The following ABCB5 variants were observed in gnomAD, a reference collection of about 807,000 sequenced individuals.
ABCB5 encodes the protein ATP binding cassette subfamily B member 5, also known as ATP-binding cassette sub-family B member 5.
In ABCB5, 155 loss-of-function variants were observed where a neutral mutation model predicts 144.2. That is an observed-to-expected ratio of 1.08 (90% CI 0.94 to 1.23). ABCB5 has a LOEUF of 1.23. Ranked by LOEUF, ABCB5 falls within the 50% of genes most tolerant of loss-of-function variation. The probability of loss-of-function intolerance (pLI) is 0.00; values close to 1 mark genes in which losing one functional copy is unlikely to be tolerated. For missense variants in ABCB5, 1,830 were observed against 1,520.8 expected, an observed-to-expected ratio of 1.20 and a Z score of -3.38; for synonymous variants, 610 against 528.6, an observed-to-expected ratio of 1.15 and a Z score of -2.11.
At chr7:20,732,221 T>C (rs956894134) in intron 23 of ABCB5, among the ~76,000 whole-genome samples, 2 of 152,142 alleles carry the variant, frequency 1.3e-5, no homozygotes, top group Admixed American at 1.3e-4. Flanking sequence ...CCCCAGGGCT[T>C]TGCTAAGCTA....
Position 20,628,813 on chromosome 7 carries a change from T to C in ABCB5, c.234T>C (p.Ser78=). The C allele has an allele frequency of 6.2e-7, 1 of 1,613,738 alleles. No individual in the cohort carries two copies. Among genetic ancestry groups the C allele is most frequent in the Non-Finnish European group, 8.5e-7 (1 of 1,179,792 alleles). ...GAGAAATGAGTGATAACCTTATTAG[T>C]GGATGTCTAGTCCAAACTAACACAA... is the stretch of plus-strand genomic sequence containing the variant. ...VLGEMSDNLI[S]GCLVQTNTTN... is the part of the protein sequence containing the mutation. Residue 78 remains serine, a synonymous_variant, in exon 4 of 28, where the codon AGT becomes AGC. Coordinates refer to ENST00000404938, the MANE Select transcript of ABCB5 (RefSeq NM_001163941.2).
chr7:20,699,842 T>TA lies in ABCB5; in HGVS notation c.2176dup (p.Thr726AsnfsTer6). 1 of 1,606,758 alleles carries TA rather than the reference T, an allele frequency of 6.2e-7. No homozygotes were observed. Among genetic ancestry groups the TA allele is most frequent in the South Asian group, 1.1e-5 (1 of 89,152 alleles). On this transcript the variant is annotated frameshift_variant, in exon 18 of 28. Coordinates refer to ENST00000404938, the MANE Select transcript of ABCB5 (RefSeq NM_001163941.2). LOFTEE classifies it high-confidence loss of function. ...CTTTTCAGATGTTTGGAAATAATGATAAAACCACATTAAAGCATGATGCAG... is the reference window on the plus strand; with the variant it reads ...CTTTTCAGATGTTTGGAAATAATGATAAAAACCACATTAAAGCATGATGCAG...
In ABCB5 at chr7:20,652,611, A is replaced by C. The variant is rs1221788898; in HGVS notation, c.1536+988A>C. ...ATATTTGGAAAGCAATATAGTCCCCAAAAGAGTGAAATCATATTTGGAAAG... is the reference window on the plus strand; with the variant it reads ...ATATTTGGAAAGCAATATAGTCCCCCAAAGAGTGAAATCATATTTGGAAAG... On this transcript the variant is annotated intron_variant, in intron 13 of 27. Transcript: ENST00000404938. Among the ~76,000 whole-genome samples, 9 of 152,220 alleles carry C rather than the reference A, an allele frequency of 5.9e-5. No homozygotes were observed. The East Asian group carries it at 1.7e-3, about 29-fold the overall frequency.
rs140138903 is a variant in ABCB5, at chr7:20,619,938, C to T, written c.-21-3327C>T. ...GCACCATTTTTTGGAGTCATTTCCC[C>T]ATTGTTTATTTTTGTTGACTTTGTT... is the stretch of plus-strand genomic sequence containing the variant. On this transcript the variant is annotated intron_variant, in intron 1 of 27. Coordinates refer to ENST00000404938, the MANE Select transcript of ABCB5 (RefSeq NM_001163941.2). Among the ~76,000 whole-genome samples the T allele has an allele frequency of 7.2e-4, 110 of 152,208 alleles. 1 individual carries two copies. The highest frequency in any genetic ancestry group is 2.6e-3 in the African/African-American group (106 of 41,554).
At chr7:20,672,980 T>C (rs1293120075) in intron 14 of ABCB5, among the ~76,000 whole-genome samples, 2 of 152,172 alleles carry the variant, frequency 1.3e-5, no homozygotes, top group Non-Finnish European at 2.9e-5. Flanking sequence ...TTTCTTTTTC[T>C]TTTGAGTTTA....
intron 16 of ABCB5, among the ~76,000 whole-genome samples, chr7:20,688,481 G>C (rs1050651926): frequency 6.6e-6 from 1 of 152,184 alleles, no homozygotes. Flanking sequence ...AGGTGCTGGA[G>C]AGGATGTGGA....
At chr7:20,654,883 TAC>T (rs953056284) in intron 13 of ABCB5, among the ~76,000 whole-genome samples, 7 of 152,060 alleles carry the variant, frequency 4.6e-5, no homozygotes, top group Non-Finnish European at 8.8e-5. Flanking sequence ...AAAAAAGATC[TAC>T]AGTCTGCAAA....
intron 20 of ABCB5, among the ~76,000 whole-genome samples, chr7:20,715,584 T>C (rs1394678884): frequency 1.3e-5 from 2 of 151,978 alleles, no homozygotes; most frequent in Non-Finnish European, 2.9e-5. Context: ...AATTTTTTCA[T>C]TTTTATGTAG....
chr7:20,648,470 TG>T (rs1327629900), intron 11 of ABCB5, among the ~76,000 whole-genome samples: 3 of 152,114 alleles, frequency 2.0e-5, no homozygotes, highest in African/African-American at 7.2e-5. Flanking sequence ...CTTCCTTTCC[TG>T]GGGCTTTTAC....
At position 20,645,766 on chromosome 7, in the gene ABCB5, C is replaced by T. The variant is rs1318774223; in HGVS notation, c.689C>T (p.Ser230Leu). Reference sequence around the variant, plus strand: ...TGTGGTTTATTACAGATGGTCATCTCATTGACCAGTAAGGAATTAAGTGCC... The same window carrying T: ...TGTGGTTTATTACAGATGGTCATCTTATTGACCAGTAAGGAATTAAGTGCC... ...SAAACSRMVI[S>L]LTSKELSAYS... is the part of the protein sequence containing the mutation. The change falls in exon 8 of 28, where the codon TCA becomes TTA. Residue 230 changes from serine (S) to leucine (L), a missense_variant. By Grantham distance (145) the Ser-to-Leu change is moderately radical. Coordinates refer to ENST00000404938, the MANE Select transcript of ABCB5 (RefSeq NM_001163941.2). 1 of 1,613,708 alleles carries T rather than the reference C, an allele frequency of 6.2e-7. No homozygotes were observed. Among genetic ancestry groups the T allele is most frequent in the Non-Finnish European group, 8.5e-7 (1 of 1,179,694 alleles).
At chr7:20,630,364 T>C (rs899357465) in intron 4 of ABCB5, among the ~76,000 whole-genome samples, 9 of 152,018 alleles carry the variant, frequency 5.9e-5, no homozygotes, top group African/African-American at 2.2e-4. Flanking sequence ...TTATACCTTC[T>C]TGTTTTCCAA....
At chr7:20,684,675 G>GA (rs752594261) in intron 15 of ABCB5, among the ~76,000 whole-genome samples, 7 of 152,150 alleles carry the variant, frequency 4.6e-5, no homozygotes, top group Non-Finnish European at 1.0e-4. Flanking sequence ...ACATTTACAG[G>GA]AAAAAAGAGA....
At chr7:20,692,933 C>T (rs1786282884) in intron 16 of ABCB5, among the ~76,000 whole-genome samples, 2 of 152,196 alleles carry the variant, frequency 1.3e-5, no homozygotes, top group South Asian at 2.1e-4. Flanking sequence ...TCAGAGATTT[C>T]AACACCCTTC....
chr7:20,660,242 A>G, intron 14 of ABCB5: 1 of 985,426 alleles, frequency 1.0e-6, no homozygotes, highest in Non-Finnish European at 1.2e-6. Flanking sequence ...ATTACACAAA[A>G]TAGCAACTGT....
chr7:20,727,382 T>A (rs546491244), intron 22 of ABCB5, among the ~76,000 whole-genome samples: 1 of 152,344 alleles, frequency 6.6e-6, no homozygotes, highest in African/African-American at 2.4e-5. Context: ...TTACTAAGTA[T>A]GCACATTTTT....
chr7:20,632,118 G>T lies in ABCB5; in HGVS notation c.314+5G>T. Reference sequence around the variant, plus strand: ...GCTGAATGAAGATATGACTCTGTAAGTCCAAATGAAACGTTAATATCACAT... The same window carrying T: ...GCTGAATGAAGATATGACTCTGTAATTCCAAATGAAACGTTAATATCACAT... On this transcript the variant is annotated splice_donor_5th_base_variant and intron_variant, in intron 5 of 27. Coordinates refer to ENST00000404938, the MANE Select transcript of ABCB5 (RefSeq NM_001163941.2). 1 of 1,503,220 alleles carries T rather than the reference G, an allele frequency of 6.7e-7. No individual in the cohort carries two copies. The highest frequency in any genetic ancestry group is 8.9e-7 in the Non-Finnish European group (1 of 1,121,856). 93.1% of individuals were successfully genotyped at this position (1,503,220 alleles called of 1,614,324 possible).
chr7:20,648,148 G>C (rs911345654), intron 11 of ABCB5, 70 bp downstream of exon 11: 1 of 949,068 alleles, frequency 1.1e-6, no homozygotes, highest in African/African-American at 1.7e-5. Flanking sequence ...GATCTTCTCT[G>C]ACATGATTAC....
chr7:20,704,092 G>A (rs200604433), intron 19 of ABCB5, among the ~76,000 whole-genome samples: 2 of 5,644 alleles, frequency 3.5e-4, no homozygotes, highest in Non-Finnish European at 6.5e-4. Flanking sequence ...TTTTTTTTTT[G>A]TGAGACAGGG....
At chr7:20,681,024 T>TTC (rs1290723495) in intron 14 of ABCB5, among the ~76,000 whole-genome samples, 2 of 10,302 alleles carry the variant, frequency 1.9e-4, no homozygotes, top group South Asian at 6.0e-3. Context: ...CTTTCTTTCT[T>TTC]TCTTTCTTTC....
Sources: allele counts gnomAD v4.1 joint callset (sites outside exome capture counted in the v4.1 genomes callset), GRCh38; gene constraint gnomAD v4.1.1; transcripts MANE v1.5; gene names NCBI Gene and HGNC (gene_info 2026-07-23, HGNC 2026-07-21).